The following SLC22A2 variants were observed in gnomAD, a reference collection of about 807,000 sequenced individuals.
SLC22A2 encodes the protein solute carrier family 22 member 2.
SLC22A2 carries 46 observed loss-of-function variants against 60.5 expected under a neutral mutation model. That is an observed-to-expected ratio of 0.76 (90% CI 0.60 to 0.97). The LOEUF is 0.97. SLC22A2 is among the 50% of genes least tolerant of loss of function. SLC22A2 has a pLI of 0.00. For synonymous variants in SLC22A2, 303 were observed against 267.0 expected, an observed-to-expected ratio of 1.13 and a Z score of -1.31; for missense variants, 701 against 706.6, an observed-to-expected ratio of 0.99 and a Z score of 0.09.
At chr6:160,245,413 A>C (rs1457746264) in intron 6 of SLC22A2, 26 bp downstream of exon 6, 1 of 1,299,102 alleles carries the variant, frequency 7.7e-7, no homozygotes, top group Non-Finnish European at 1.1e-6. Flanking sequence ...ATTTGGAGGC[A>C]TTTCAAAGTG....
At chr6:160,245,186 A>G in intron 6 of SLC22A2, 1 of 265,558 alleles carries the variant, frequency 3.8e-6, no homozygotes, top group Non-Finnish European at 7.0e-6. Context: ...TGGCTTTGGT[A>G]TTTTGTAAGC....
chr6:160,228,198 C>T (rs755674148), intron 9 of SLC22A2, among the ~76,000 whole-genome samples: 4 of 152,152 alleles, frequency 2.6e-5, no homozygotes, highest in African/African-American at 4.8e-5. Flanking sequence ...GGATCGGACA[C>T]CTTTCCAATA....
At position 160,232,389 on chromosome 6, in the gene SLC22A2, G is replaced by A. The variant is rs182918749; in HGVS notation, c.1502-7585C>T. 2.0e-4 allele frequency among the ~76,000 whole-genome samples: 30 copies of A among 151,872 alleles called. 2 individuals carry two copies. Among genetic ancestry groups the A allele is most frequent in the African/African-American group, 6.5e-4 (27 of 41,242 alleles). ...TTCCACATCTATCATTGAGGCTACC[G>A]CTCTGCCCCCCACTATCTCTCAGCA... is the stretch of plus-strand genomic sequence containing the variant. On this transcript the variant is annotated intron_variant, in intron 9 of 10. Coordinates refer to ENST00000366953, the MANE Select transcript of SLC22A2 (RefSeq NM_003058.4).
intron 9 of SLC22A2, among the ~76,000 whole-genome samples, chr6:160,232,749 T>G (rs1272829683): frequency 6.6e-6 from 1 of 151,902 alleles, no homozygotes; most frequent in East Asian, 1.9e-4. Context: ...ACAATGCTTA[T>G]GCTGATAAGG....
rs566137434 is a variant in SLC22A2 at position 160,227,464 on chromosome 6, T to G, written c.1502-2660A>C. ...GGACCAAACTAATGGATACCTCGCA[T>G]GTATTGATGGATGGCTTTTGTCTGC... On this transcript the variant is annotated intron_variant, in intron 9 of 10. Coordinates refer to ENST00000366953, the MANE Select transcript of SLC22A2 (RefSeq NM_003058.4). Among the ~76,000 whole-genome samples, 435 of 152,342 alleles carry G rather than the reference T, an allele frequency of 2.9e-3. 1 individual carries two copies. Among genetic ancestry groups the G allele is most frequent in the Non-Finnish European group, 5.2e-3 (356 of 68,026 alleles).
chr6:160,258,080 G>T, intron 1 of SLC22A2: 1 of 465,024 alleles, frequency 2.2e-6, no homozygotes, highest in Non-Finnish European at 3.8e-6. Flanking sequence ...GTCCTAATAT[G>T]CTTTGGCCTG....
At chr6:160,256,453 C>T (rs916461629) in intron 2 of SLC22A2, among the ~76,000 whole-genome samples, 161 bp downstream of exon 2, 1 of 152,158 alleles carries the variant, frequency 6.6e-6, no homozygotes, top group African/African-American at 2.4e-5. Context: ...GTTATCCAAG[C>T]AGCAGAAGAA....
At chr6:160,241,042 G>C (rs1782989269) in intron 9 of SLC22A2, among the ~76,000 whole-genome samples, 1 of 71,708 alleles carries the variant, frequency 1.4e-5, no homozygotes, top group Non-Finnish European at 2.9e-5. Flanking sequence ...CTTCTTTGAA[G>C]TAAGAAGTAA....
Position 160,258,263 on chromosome 6 carries a change from A to T in SLC22A2, c.414+81T>A, listed in dbSNP as rs574748458. The T allele has an allele frequency of 3.4e-6, 5 of 1,468,968 alleles. No homozygotes were observed. In the Admixed American group the frequency reaches 8.5e-5, roughly 25 times the overall value. The allele number at this position is 1,468,968 out of a possible 1,614,324, so 91.0% of individuals were successfully genotyped here. ...GAGATGTCCAGGCAGGGTTTATAAG[A>T]GCCGGGCCTTCCCTGCTTGCTTCCT... On this transcript the variant is annotated intron_variant, in intron 1 of 10. Coordinates refer to ENST00000366953, the MANE Select transcript of SLC22A2 (RefSeq NM_003058.4).
chr6:160,250,511 G>A (rs531802517), intron 3 of SLC22A2, 37 bp downstream of exon 3: 2 of 1,610,618 alleles, frequency 1.2e-6, no homozygotes, highest in South Asian at 1.1e-5. Flanking sequence ...CAGCGAGGTT[G>A]CTTTGTTCTC....
chr6:160,242,348 A>G lies in SLC22A2; in HGVS notation c.1334T>C (p.Met445Thr), dbSNP rs1292619007. 1 of 1,611,094 alleles carries G rather than the reference A, an allele frequency of 6.2e-7. No homozygotes were observed. Residue 445 changes from methionine (M) to threonine (T), a missense_variant, in exon 8 of 11, where the codon ATG becomes ACG. By Grantham distance (81) the Met-to-Thr change is moderately conservative. Transcript: ENST00000366953. ...GACCAGGCAGACTATCTCATAGGCC[A>G]TTGTGATCCCCATTCTTCCCAAGCA... ...ISCLGRMGIT[M>T]AYEIVCLVNA...
chr6:160,224,078 T>C (rs1251752621), intron 10 of SLC22A2, among the ~76,000 whole-genome samples: 4 of 152,170 alleles, frequency 2.6e-5, no homozygotes, highest in Non-Finnish European at 5.9e-5. Flanking sequence ...TATAGAGGCA[T>C]CTAATTCCTA....
At chr6:160,252,057 T>G (rs1783193629) in intron 2 of SLC22A2, among the ~76,000 whole-genome samples, 1 of 152,190 alleles carries the variant, frequency 6.6e-6, no homozygotes, top group African/African-American at 2.4e-5. Flanking sequence ...TGGTTTGCTG[T>G]ACCTATCAAC....
chr6:160,234,351 G>A (rs565828169), intron 9 of SLC22A2, among the ~76,000 whole-genome samples: 1 of 152,286 alleles, frequency 6.6e-6, no homozygotes, highest in East Asian at 1.9e-4. Flanking sequence ...AGGGACGCTT[G>A]AGAGCGGATA....
At chr6:160,220,535 A>C (rs315998) in intron 10 of SLC22A2, among the ~76,000 whole-genome samples, 128,954 of 152,148 alleles carry the variant, frequency 0.85, 55,328 homozygotes, top group Admixed American at 0.91. Context: ...ATGGTGAAAG[A>C]TTTCCAGAAG....
chr6:160,244,372 C>A (rs539767399), intron 6 of SLC22A2: 2 of 152,880 alleles, frequency 1.3e-5, no homozygotes, highest in African/African-American at 2.4e-5. Context: ...AGCCACTGTG[C>A]CTGGCCAATG....
chr6:160,243,578 G>T lies in SLC22A2; in HGVS notation c.1273C>A (p.Pro425Thr). The T allele has an allele frequency of 6.2e-7, 1 of 1,612,486 alleles. No homozygotes were observed. ...AACTTCACCTGAAACTTACCACCAG[G>T]TATAAAAACTGAGGCCAGACAGGCT... ...GAACLASVFI[P>T]GDLQWLKIII... Residue 425 changes from proline (P) to threonine (T), a missense_variant, in exon 7 of 11, where the codon CCT becomes ACT. Coordinates refer to ENST00000366953, the MANE Select transcript of SLC22A2 (RefSeq NM_003058.4).
intron 10 of SLC22A2, among the ~76,000 whole-genome samples, chr6:160,221,784 A>C (rs1348147319): frequency 6.6e-6 from 1 of 152,226 alleles, no homozygotes; most frequent in Non-Finnish European, 1.5e-5. Context: ...GCTGTTTTAC[A>C]CAGCCATGGT....
At position 160,241,530 on chromosome 6, in the gene SLC22A2, G is replaced by GGC; in HGVS notation, c.1443_1444dup (p.Pro482ArgfsTer17). On this transcript the variant is annotated frameshift_variant, in exon 9 of 11. Coordinates refer to ENST00000366953, the MANE Select transcript of SLC22A2 (RefSeq NM_003058.4). LOFTEE classifies it high-confidence loss of function. ...GTTAGTGAGCCGGTAGACCAGGAATGGCGTGATGATGCCACCAATGTCACA... is the reference window on the plus strand; with the variant it reads ...GTTAGTGAGCCGGTAGACCAGGAATGGCGCGTGATGATGCCACCAATGTCACA... The GGC allele has an allele frequency of 6.2e-7, 1 of 1,613,760 alleles. No individual in the cohort carries two copies. The highest frequency in any genetic ancestry group is 8.5e-7 in the Non-Finnish European group (1 of 1,179,780).
Sources: gnomAD v4.1 joint callset for allele counts (sites outside exome capture counted in the v4.1 genomes callset) on GRCh38, gnomAD v4.1.1 for gene constraint, MANE v1.5 for transcripts, NCBI Gene and HGNC (gene_info 2026-07-23, HGNC 2026-07-21) for gene names.